Variants in CACNA2D1 observed in about 807,000 individuals in gnomAD.
CACNA2D1 encodes calcium voltage-gated channel auxiliary subunit alpha2delta 1.
In CACNA2D1, 53 loss-of-function variants were observed where a neutral mutation model predicts 171.5. The ratio of observed to expected loss-of-function variants is 0.31; its 90% CI spans 0.25 to 0.39. The LOEUF is 0.39. Among genes scored for constraint, CACNA2D1 ranks in the 10% least tolerant of loss-of-function variants. The probability of loss-of-function intolerance (pLI) is 1.00; values close to 1 mark genes in which losing one functional copy is unlikely to be tolerated. For missense variants in CACNA2D1, 903 were observed against 1,299.8 expected (o/e 0.69, Z 4.69); for synonymous variants, 442 against 443.1 (o/e 1.00, Z 0.03).
intron 4 of CACNA2D1, among the ~76,000 whole-genome samples, chr7:82,150,276 CAACAACA>C (rs1793694465): frequency 3.9e-5 from 3 of 76,960 alleles, no homozygotes; most frequent in African/African-American, 2.3e-4. Context: ...AAAACAAAAA[CAACAACA>C]AAAAAAAACA....
intron 38 of CACNA2D1, among the ~76,000 whole-genome samples, chr7:81,953,855 C>T (rs1333148929): frequency 6.6e-6 from 1 of 152,036 alleles, no homozygotes; most frequent in Non-Finnish European, 1.5e-5. Context: ...AAAATATTCT[C>T]TTTGGCCCTT....
intron 1 of CACNA2D1, among the ~76,000 whole-genome samples, chr7:82,361,270 T>C (rs1213297138): frequency 6.6e-6 from 1 of 152,172 alleles, no homozygotes; most frequent in Non-Finnish European, 1.5e-5. Context: ...AAACCTAAAC[T>C]ACGTTTTTTA....
rs551264619 is a variant in CACNA2D1 at position 82,368,852 on chromosome 7, T to C, written c.96-19203A>G. Among the ~76,000 whole-genome samples, 5 of 152,266 alleles carry C rather than the reference T, an allele frequency of 3.3e-5. No individual in the cohort carries two copies. The East Asian group carries it at 7.7e-4, about 24-fold the overall frequency. On this transcript the variant is annotated intron_variant, in intron 1 of 38. Transcript: ENST00000356860. ...CTTTCTTCTATCAATATTTTTTCTTTTGCTATACATAACAATGACTCTTGT... is the reference window on the plus strand; with the variant it reads ...CTTTCTTCTATCAATATTTTTTCTTCTGCTATACATAACAATGACTCTTGT...
intron 1 of CACNA2D1, among the ~76,000 whole-genome samples, chr7:82,422,899 AT>A (rs1401412606): frequency 4.6e-5 from 7 of 151,960 alleles, no homozygotes; most frequent in African/African-American, 1.7e-4. Flanking sequence ...AAAAAAAAAA[AT>A]TTCCATGCAT....
At chr7:82,124,140 C>T (rs867578226) in intron 5 of CACNA2D1, among the ~76,000 whole-genome samples, 1 of 151,990 alleles carries the variant, frequency 6.6e-6, no homozygotes, top group Admixed American at 6.6e-5. Flanking sequence ...ATAAAGATTG[C>T]AAACTGTAAG....
intron 3 of CACNA2D1, among the ~76,000 whole-genome samples, chr7:82,171,896 G>A (rs38543): frequency 0.48 from 73,351 of 151,864 alleles, 19,104 homozygotes; most frequent in African/African-American, 0.69. Context: ...ATTCCTTAGC[G>A]TAAGTTCTTC....
At chr7:81,993,676 A>G (rs1370439866) in intron 20 of CACNA2D1, among the ~76,000 whole-genome samples, 1 of 152,168 alleles carries the variant, frequency 6.6e-6, no homozygotes, top group East Asian at 1.9e-4. Context: ...TTGAAATACC[A>G]ATATACATAG....
Position 82,084,875 on chromosome 7 carries a change from G to C in CACNA2D1, c.552C>G (p.Asn184Lys). Residue 184 changes from asparagine to lysine, a missense_variant, in exon 7 of 39, where the codon AAC becomes AAG. Asn to Lys is a moderately conservative substitution (Grantham distance 94). This residue lies in a region of CACNA2D1 where 189 missense variants were observed against 266.8 expected (regional missense o/e 0.71). Coordinates refer to ENST00000356860, the MANE Select transcript of CACNA2D1 (RefSeq NM_000722.4). The part of the protein sequence containing the change: ...EGSTIVLNEL[N>K]WTSALDEVFK... ...AAACTTCATCTAAGGCACTTGTCCAGTTGAGTTCATTTAACACAATTGTTG... is the reference window on the plus strand; with the variant it reads ...AAACTTCATCTAAGGCACTTGTCCACTTGAGTTCATTTAACACAATTGTTG... 1 of 1,613,412 alleles carries C rather than the reference G, an allele frequency of 6.2e-7. No homozygotes were observed. The highest frequency in any genetic ancestry group is 8.5e-7 in the Non-Finnish European group (1 of 1,179,368).
intron 6 of CACNA2D1, among the ~76,000 whole-genome samples, chr7:82,090,937 T>C (rs1051213899): frequency 6.6e-6 from 1 of 151,832 alleles, no homozygotes; most frequent in Non-Finnish European, 1.5e-5. Flanking sequence ...TTAAGAAAAG[T>C]CATTTATATG....
chr7:81,997,047 A>T (rs1798114415), intron 19 of CACNA2D1, 132 bp downstream of exon 19: 7 of 697,384 alleles, frequency 1.0e-5, no homozygotes, highest in Middle Eastern at 2.4e-4. Flanking sequence ...AATGACAAAG[A>T]ACATTCATCT....
intron 3 of CACNA2D1, among the ~76,000 whole-genome samples, chr7:82,219,078 T>C (rs958138327): frequency 1.3e-5 from 2 of 152,106 alleles, no homozygotes; most frequent in South Asian, 4.1e-4. Context: ...TAAAATTAAT[T>C]CACTTGTACA....
chr7:82,292,032 T>G (rs1811707603), intron 3 of CACNA2D1, among the ~76,000 whole-genome samples: 1 of 151,808 alleles, frequency 6.6e-6, no homozygotes, highest in Admixed American at 6.6e-5. Flanking sequence ...TTTCTCTTCC[T>G]CAATTTTTCC....
rs1482720263 is a variant in CACNA2D1 at position 81,971,969 on chromosome 7, A to G, written c.2054-105T>C. 5 of 732,088 alleles carry G rather than the reference A, an allele frequency of 6.8e-6. No individual in the cohort carries two copies. The East Asian group carries it at 1.1e-4, about 16-fold the overall frequency. The allele number at this position is 732,088 out of a possible 1,614,324, so 45.3% of individuals were successfully genotyped here. ...AAAGCAATTTAGAGTAGATATTTCT[A>G]TGAATTTTAAAATATATTCCACATT... On this transcript the variant is annotated intron_variant, in intron 25 of 38. Coordinates refer to ENST00000356860, the MANE Select transcript of CACNA2D1 (RefSeq NM_000722.4).
At chr7:82,129,842 G>A (rs1022739164) in intron 5 of CACNA2D1, among the ~76,000 whole-genome samples, 1 of 152,046 alleles carries the variant, frequency 6.6e-6, no homozygotes, top group Non-Finnish European at 1.5e-5. Context: ...TTTGTCCTTG[G>A]TGCTGTCATA....
intron 6 of CACNA2D1, among the ~76,000 whole-genome samples, chr7:82,110,945 T>C (rs1788305096): frequency 6.6e-6 from 1 of 152,044 alleles, no homozygotes; most frequent in African/African-American, 2.4e-5. Context: ...TCCCCTCCAA[T>C]AGAATGCAGG....
intron 6 of CACNA2D1, among the ~76,000 whole-genome samples, chr7:82,115,677 A>C (rs1788960223): frequency 6.6e-6 from 1 of 151,942 alleles, no homozygotes; most frequent in East Asian, 1.9e-4. Context: ...CAAAGATAAA[A>C]TTTATAATAA....
At chr7:82,230,686 T>C (rs1481137575) in intron 3 of CACNA2D1, among the ~76,000 whole-genome samples, 5 of 152,224 alleles carry the variant, frequency 3.3e-5, no homozygotes, top group Admixed American at 2.6e-4. Flanking sequence ...ATGTTTATCC[T>C]ACAAAAAACC....
chr7:82,210,128 T>C lies in CACNA2D1; in HGVS notation c.295-39519A>G, dbSNP rs1441381732. Among the ~76,000 whole-genome samples, 4 of 152,052 alleles carry C rather than the reference T, an allele frequency of 2.6e-5. No individual in the cohort carries two copies. The East Asian group carries it at 5.8e-4, about 22-fold the overall frequency. On this transcript the variant is annotated intron_variant, in intron 3 of 38. Transcript: ENST00000356860. ...CAACATTAGTGCCTGGCAAATGGCTTGCACTATAGAAGTATTTGTTGAATA... is the reference window on the plus strand; with the variant it reads ...CAACATTAGTGCCTGGCAAATGGCTCGCACTATAGAAGTATTTGTTGAATA...
chr7:82,409,334 A>G (rs1350801359), intron 1 of CACNA2D1, among the ~76,000 whole-genome samples: 4 of 152,158 alleles, frequency 2.6e-5, no homozygotes, highest in Non-Finnish European at 4.4e-5. Context: ...GTGGATGTAA[A>G]TAATTCTGAA....
Sources: gnomAD v4.1 joint callset for allele counts (sites outside exome capture counted in the v4.1 genomes callset) on GRCh38, gnomAD v4.1.1 for gene constraint, gnomAD v4.1.1 regional missense constraint, MANE v1.5 for transcripts, NCBI Gene and HGNC (gene_info 2026-07-23, HGNC 2026-07-21) for gene names.